Variants in RAD54L2 observed in about 807,000 individuals in gnomAD.
RAD54L2 encodes helicase ARIP4.
RAD54L2 carries 27 observed loss-of-function variants against 138.4 expected under a neutral mutation model. That is an observed-to-expected ratio of 0.20 (90% CI 0.14 to 0.27). The LOEUF (loss-of-function observed/expected upper bound fraction) is 0.27, where lower values mean the gene tolerates loss of function less well. Among genes scored for constraint, RAD54L2 ranks in the 10% least tolerant of loss-of-function variants. The pLI is 1.00. For missense variants in RAD54L2, 1,396 were observed against 1,890.2 expected, an observed-to-expected ratio of 0.74 and a Z score of 4.85; for synonymous variants, 644 against 723.2, an observed-to-expected ratio of 0.89 and a Z score of 1.76.
chr3:51,656,755 A>AT (rs953076625), intron 20 of RAD54L2, among the ~76,000 whole-genome samples: 79 of 146,914 alleles, frequency 5.4e-4, no homozygotes, highest in South Asian at 6.5e-4. Flanking sequence ...ATTGATTATT[A>AT]TTTTTTTTTT....
chr3:51,557,236 C>T (rs1320730019), intron 2 of RAD54L2, among the ~76,000 whole-genome samples: 1 of 133,248 alleles, frequency 7.5e-6, no homozygotes, highest in African/African-American at 2.9e-5. Context: ...GTTGCCCAGG[C>T]TGGCATGCAG....
chr3:51,662,804 C>G lies in RAD54L2; in HGVS notation c.3788C>G (p.Ala1263Gly). The G allele has an allele frequency of 6.2e-7, 1 of 1,610,962 alleles. No individual in the cohort carries two copies. The highest frequency in any genetic ancestry group is 8.5e-7 in the Non-Finnish European group (1 of 1,178,610). Residue 1263 changes from alanine to glycine, a missense_variant, in exon 23 of 23, where the codon GCT becomes GGT. Physicochemically the swap from Ala to Gly is moderately conservative, Grantham distance 60. Transcript: ENST00000684192. This position sits in a 1 kb window ranked among gnomAD's most constrained non-coding sequence, Gnocchi z 4.6. ...AAGCGAAAGTTGGCCACACCACCTG[C>G]TGCCCAGGAGTCATCCCGCCGGCGG... ...GHKRKLATPP[A>G]AQESSRRRSR...
rs541768553 is a variant in RAD54L2, at chr3:51,661,755, T to C, written c.3410-671T>C. Among the ~76,000 whole-genome samples, 3 of 152,368 alleles carry C rather than the reference T, an allele frequency of 2.0e-5. No homozygotes were observed. The South Asian group carries it at 6.2e-4, about 32-fold the overall frequency. On this transcript the variant is annotated intron_variant, in intron 22 of 22. Transcript: ENST00000684192. ...TATACCCTGCACCTAGATTTAATGA[T>C]GGTTAGTTTTCATAAACCTTCTTCT...
chr3:51,629,218 TCTC>T (rs1013420045), intron 4 of RAD54L2, 113 bp from the exon 5 acceptor site: 3 of 1,189,304 alleles, frequency 2.5e-6, no homozygotes, highest in Non-Finnish European at 3.5e-6. Context: ...TGATGTGGCT[TCTC>T]CTTCTCCCGC....
At chr3:51,574,197 A>G (rs1201197788) in intron 2 of RAD54L2, among the ~76,000 whole-genome samples, 1 of 152,196 alleles carries the variant, frequency 6.6e-6, no homozygotes, top group Admixed American at 6.6e-5. Context: ...ATGGCTGCAT[A>G]GTATTCCATG....
At chr3:51,588,260 C>A (rs1442425936) in intron 2 of RAD54L2, among the ~76,000 whole-genome samples, 1 of 135,252 alleles carries the variant, frequency 7.4e-6, no homozygotes. Context: ...TGAGGCTGGG[C>A]ACAGTGGCTG....
chr3:51,594,860 CTTTTTTT>C (rs71278623), intron 3 of RAD54L2, among the ~76,000 whole-genome samples: 12 of 33,600 alleles, frequency 3.6e-4, no homozygotes, highest in South Asian at 8.5e-4. Context: ...TTGATGGGCG[CTTTTTTT>C]TTTTTTTTTT....
At position 51,630,922 on chromosome 3, in the gene RAD54L2, A is replaced by G. The variant is rs141616734; in HGVS notation, c.816A>G (p.Lys272=). 4.5e-5 allele frequency: 73 copies of G among 1,610,326 alleles called. No individual in the cohort carries two copies. Among genetic ancestry groups the G allele is most frequent in the Non-Finnish European group, 5.8e-5 (68 of 1,177,322 alleles). ...CCCCACAGTTGGCACGGGCTGTGAA[A>G]CCTCATCAGGTACAGCAAACCTTGA... The part of the protein sequence containing the change: ...FLAPQLARAV[K]PHQIGGIRFL... Residue 272 remains lysine, a synonymous_variant, in exon 7 of 23, where the codon AAA becomes AAG. Transcript: ENST00000684192.
At chr3:51,612,689 T>G (rs1700356102) in intron 3 of RAD54L2, among the ~76,000 whole-genome samples, 1 of 57,690 alleles carries the variant, frequency 1.7e-5, no homozygotes, top group Non-Finnish European at 3.0e-5. Flanking sequence ...TGGTCTTTGT[T>G]GTAAAAAAAA....
chr3:51,570,826 ATTTG>A (rs1194858763), intron 2 of RAD54L2, among the ~76,000 whole-genome samples: 2 of 151,816 alleles, frequency 1.3e-5, no homozygotes, highest in Non-Finnish European at 2.9e-5. Flanking sequence ...GCTTTTATTT[ATTTG>A]TTTATTTTTG....
chr3:51,656,304 AG>A (rs1303557549), intron 20 of RAD54L2, 134 bp downstream of exon 20: 1 of 774,530 alleles, frequency 1.3e-6, no homozygotes, highest in East Asian at 2.8e-5. Context: ...AAAATAGGGA[AG>A]ACAACAGTCC....
At chr3:51,586,102 TATGCCCACATA>T (rs1337747998) in intron 2 of RAD54L2, among the ~76,000 whole-genome samples, 21 of 152,102 alleles carry the variant, frequency 1.4e-4, no homozygotes, top group Non-Finnish European at 2.6e-4. Context: ...TCTGAAAGGC[TATGCCCACATA>T]GACGTATGTG....
At chr3:51,659,098 GTTTTTTTTTTTT>G (rs1014568687) in intron 21 of RAD54L2, among the ~76,000 whole-genome samples, 3 of 75,040 alleles carry the variant, frequency 4.0e-5, no homozygotes, top group South Asian at 9.9e-4. Flanking sequence ...TCCGGCTCTT[GTTTTTTTTTTTT>G]TTTTTTTTTT....
At chr3:51,541,812 A>C (rs1226007819) in intron 2 of RAD54L2, 162 bp downstream of exon 2, 2 of 152,210 alleles carry the variant, frequency 1.3e-5, no homozygotes, top group African/African-American at 4.8e-5. Flanking sequence ...TCTTGGGCAA[A>C]AATAAATGAA....
At chr3:51,629,683 A>G (rs897458084) in intron 5 of RAD54L2, among the ~76,000 whole-genome samples, 1 of 151,062 alleles carries the variant, frequency 6.6e-6, no homozygotes, top group Non-Finnish European at 1.5e-5. Flanking sequence ...ACATGGTGAA[A>G]CCCCGTCTCT....
chr3:51,604,458 C>CT (rs2106741862), intron 3 of RAD54L2, among the ~76,000 whole-genome samples: 1 of 152,210 alleles, frequency 6.6e-6, no homozygotes, highest in Non-Finnish European at 1.5e-5. Flanking sequence ...TCCCACATAG[C>CT]TTTCAGGGAA....
chr3:51,653,220 A>G (rs536446180), intron 19 of RAD54L2, among the ~76,000 whole-genome samples: 33 of 152,316 alleles, frequency 2.2e-4, no homozygotes, highest in African/African-American at 7.7e-4. Context: ...GCAAATCAAA[A>G]CCGCAATGAG....
chr3:51,599,304 T>G (rs1161505277), intron 3 of RAD54L2, among the ~76,000 whole-genome samples: 1 of 152,122 alleles, frequency 6.6e-6, no homozygotes, highest in Non-Finnish European at 1.5e-5. Context: ...ATCATGTGAT[T>G]CCATTTATAT....
chr3:51,540,558 C>A (rs1184176506), intron 1 of RAD54L2, among the ~76,000 whole-genome samples: 3 of 152,030 alleles, frequency 2.0e-5, no homozygotes, highest in African/African-American at 7.3e-5. Flanking sequence ...TAAAGGGAAC[C>A]CTACATGAAC....
Sources: gnomAD v4.1 joint callset for allele counts (sites outside exome capture counted in the v4.1 genomes callset) on GRCh38, gnomAD v4.1.1 for gene constraint, Gnocchi (gnomAD v3.1) non-coding constraint, MANE v1.5 for transcripts, NCBI Gene and HGNC (gene_info 2026-07-23, HGNC 2026-07-21) for gene names.